CEP164: variants seen among roughly 807,000 people sequenced by gnomAD.
CEP164 encodes the protein centrosomal protein of 164 kDa.
CEP164 carries 162 observed loss-of-function variants against 182.7 expected under a neutral mutation model. The ratio of observed to expected loss-of-function variants is 0.89; its 90% CI spans 0.78 to 1.01. The LOEUF (loss-of-function observed/expected upper bound fraction) is 1.01, where lower values mean the gene tolerates loss of function less well. Among genes scored for constraint, CEP164 ranks in the 50% least tolerant of loss-of-function variants. The probability of loss-of-function intolerance (pLI) is 0.00; values close to 1 mark genes in which losing one functional copy is unlikely to be tolerated. For synonymous variants in CEP164, 661 were observed against 690.0 expected (o/e 0.96, Z 0.66); for missense variants, 1,735 against 1,790.4 (o/e 0.97, Z 0.56).
chr11:117,334,582 T>C (rs2036738427), intron 1 of CEP164, among the ~76,000 whole-genome samples: 1 of 152,034 alleles, frequency 6.6e-6, no homozygotes, highest in Non-Finnish European at 1.5e-5. Context: ...GATCAGGAGT[T>C]TGAGACCAGC....
At chr11:117,371,490 A>G (rs1270712320) in intron 9 of CEP164, 24 bp downstream of exon 9, 4 of 1,586,554 alleles carry the variant, frequency 2.5e-6, no homozygotes, top group African/African-American at 1.3e-5. Flanking sequence ...TCCCATAGGC[A>G]GGGGTTGGCT....
At chr11:117,410,762 A>C in intron 30 of CEP164, 66 bp from the exon 31 acceptor site, 12 of 1,363,974 alleles carry the variant, frequency 8.8e-6, no homozygotes, top group Non-Finnish European at 1.2e-5. Context: ...TGGGGAGGCA[A>C]GAGGTGCTGG....
At chr11:117,333,901 A>G (rs529597178) in intron 1 of CEP164, among the ~76,000 whole-genome samples, 84 of 152,278 alleles carry the variant, frequency 5.5e-4, no homozygotes, top group Admixed American at 1.4e-3. Context: ...CCAGCATCCT[A>G]TCCAACTGTG....
chr11:117,408,789 A>G, intron 28 of CEP164, 101 bp from the exon 29 acceptor site: 1 of 1,458,002 alleles, frequency 6.9e-7, no homozygotes, highest in Non-Finnish European at 9.4e-7. Flanking sequence ...AAACATAAAG[A>G]AGAACCTAGC....
chr11:117,391,733 A>G (rs1378245601), intron 17 of CEP164, among the ~76,000 whole-genome samples: 1 of 152,162 alleles, frequency 6.6e-6, no homozygotes, highest in Non-Finnish European at 1.5e-5. Flanking sequence ...CTTCTACTCC[A>G]GTCAGATGGT....
intron 20 of CEP164, among the ~76,000 whole-genome samples, chr11:117,393,522 G>A (rs976261498): frequency 6.6e-6 from 1 of 152,100 alleles, no homozygotes; most frequent in African/African-American, 2.4e-5. Flanking sequence ...CCAGCCTTAG[G>A]AAGGATCTAC....
chr11:117,405,198 G>A (rs2046538385), intron 27 of CEP164, among the ~76,000 whole-genome samples: 1 of 152,142 alleles, frequency 6.6e-6, no homozygotes, highest in Admixed American at 6.5e-5. Flanking sequence ...TGCCACTGGG[G>A]TATGAAAAAA....
rs2047313363 is a variant in CEP164 at position 117,411,186 on chromosome 11, C to T, written c.4163+292C>T. ...GGCCCCTGTGGGGAGGAGTCAGCCC[C>T]TGGTGGGACCCTGCCCCCGCCCCTC... On this transcript the variant is annotated intron_variant, in intron 31 of 32. Transcript: ENST00000278935. This position sits in a 1 kb window ranked among gnomAD's most constrained non-coding sequence, Gnocchi z 4.4. 5.2e-6 allele frequency: 2 copies of T among 387,052 alleles called. No individual in the cohort carries two copies. Among genetic ancestry groups the T allele is most frequent in the Admixed American group, 7.4e-5 (2 of 27,144 alleles). 24.0% of individuals were successfully genotyped at this position (387,052 alleles called of 1,614,324 possible). A position where few individuals can be genotyped will look rare whatever the true frequency, so the allele number is the denominator to read the frequency against.
chr11:117,329,838 C>A lies in CEP164; in HGVS notation c.-98+1934C>A, dbSNP rs983471001. Among the ~76,000 whole-genome samples, 4 of 83,782 alleles carry A rather than the reference C, an allele frequency of 4.8e-5. No homozygotes were observed. In the East Asian group the frequency reaches 2.1e-3, roughly 43 times the overall value. The allele number at this position is 83,782 out of a possible 152,430, so 55.0% of individuals were successfully genotyped here. A position where few individuals can be genotyped will look rare whatever the true frequency, so the allele number is the denominator to read the frequency against. On this transcript the variant is annotated intron_variant, in intron 1 of 32. Transcript: ENST00000278935. The stretch of plus-strand genomic sequence containing the variant: ...TACAGGCGTGAGCCACTGCGCCTGG[C>A]CTTTTTTTTTTTTTTTTTTTTTTTA...
chr11:117,354,891 C>T, intron 5 of CEP164: 1 of 1,223,618 alleles, frequency 8.2e-7, no homozygotes, highest in Non-Finnish European at 1.0e-6. Context: ...ATCAGAAGTG[C>T]TTTGTCTTCG....
chr11:117,344,700 G>A (rs2038636801), intron 4 of CEP164, among the ~76,000 whole-genome samples: 1 of 152,226 alleles, frequency 6.6e-6, no homozygotes, highest in South Asian at 2.1e-4. Context: ...GCCGAGGTGG[G>A]TGGATTGCTT....
chr11:117,355,768 C>T, intron 5 of CEP164: 1 of 1,116,012 alleles, frequency 9.0e-7, no homozygotes, highest in Non-Finnish European at 1.1e-6. Flanking sequence ...TCCCAGGAAG[C>T]TGCAAGGAAA....
rs574862830 is a variant in CEP164, at chr11:117,344,293, G to T, written c.194+16G>T. On this transcript the variant is annotated intron_variant, in intron 4 of 32. Coordinates refer to ENST00000278935, the MANE Select transcript of CEP164 (RefSeq NM_014956.5). ...GGAAACCATGGTAAGTCAGCAGGGG[G>T]TGCGGCCACTGACTTGGCCTAGCAG... 4.5e-6 allele frequency: 7 copies of T among 1,570,744 alleles called. No homozygotes were observed. The Admixed American group carries it at 5.1e-5, about 12-fold the overall frequency.
At chr11:117,373,666 A>G (rs1259540328) in intron 9 of CEP164, 85 bp from the exon 10 acceptor site, 6 of 1,210,562 alleles carry the variant, frequency 5.0e-6, no homozygotes, top group Admixed American at 3.5e-5. Flanking sequence ...TATTGGCCCC[A>G]TGGCCTGAAC....
intron 4 of CEP164, among the ~76,000 whole-genome samples, chr11:117,344,648 C>T (rs1192564924): frequency 2.0e-5 from 3 of 152,128 alleles, no homozygotes; most frequent in Non-Finnish European, 4.4e-5. Flanking sequence ...CTGGTCTTGC[C>T]GGGTACGGTG....
chr11:117,356,752 C>T, intron 5 of CEP164: 3 of 904,882 alleles, frequency 3.3e-6, no homozygotes, highest in Non-Finnish European at 4.2e-6. Flanking sequence ...GGCCCTTTAA[C>T]TACCCAAATG....
chr11:117,336,390 G>A, intron 2 of CEP164: 1 of 1,400,408 alleles, frequency 7.1e-7, no homozygotes. Context: ...CAGGCGGTGG[G>A]TATGGAGGAA....
intron 1 of CEP164, chr11:117,328,169 TCCTGAGCGGG>T (rs1414387544): frequency 6.6e-6 from 1 of 152,248 alleles, no homozygotes; most frequent in Non-Finnish European, 1.5e-5. Flanking sequence ...TCTCGCCGGC[TCCTGAGCGGG>T]CCACCGGGCC....
chr11:117,395,053 A>G lies in CEP164; in HGVS notation c.2844+50A>G, dbSNP rs370235372. 11 of 1,611,402 alleles carry G rather than the reference A, an allele frequency of 6.8e-6. No homozygotes were observed. The African/African-American group carries it at 1.1e-4, about 16-fold the overall frequency. ...ACCTCAGAGTCATAGCTTCTCTAGC[A>G]GAGGGCAGGCTCTGCCCCTCAGACC... On this transcript the variant is annotated intron_variant, in intron 22 of 32. Transcript: ENST00000278935.
Sources: allele counts gnomAD v4.1 joint callset (sites outside exome capture counted in the v4.1 genomes callset), GRCh38; gene constraint gnomAD v4.1.1; non-coding constraint Gnocchi (gnomAD v3.1); transcripts MANE v1.5; gene names NCBI Gene and HGNC (gene_info 2026-07-23, HGNC 2026-07-21).